ARHGAP26: variants seen among roughly 807,000 people sequenced by gnomAD.
ARHGAP26 encodes the protein Rho GTPase activating protein 26, also known as rho GTPase-activating protein 26.
ARHGAP26 carries 38 observed loss-of-function variants against 104.8 expected under a neutral mutation model. The observed-to-expected ratio is 0.36, with a 90% CI of 0.28 to 0.48. ARHGAP26 has a LOEUF of 0.48. Among genes scored for constraint, ARHGAP26 ranks in the 20% least tolerant of loss-of-function variants. The pLI is 0.99. For synonymous variants in ARHGAP26, 341 were observed against 340.0 expected, an observed-to-expected ratio of 1.00 and a Z score of -0.03; for missense variants, 704 against 947.9, an observed-to-expected ratio of 0.74 and a Z score of 3.38.
chr5:143,204,505 CAA>C (rs931509049), intron 20 of ARHGAP26, among the ~76,000 whole-genome samples: 7 of 152,158 alleles, frequency 4.6e-5, no homozygotes, highest in Non-Finnish European at 5.9e-5. Context: ...GCCTGGGCGA[CAA>C]GAGCAAAACT....
chr5:142,856,044 G>A (rs1424991966), intron 1 of ARHGAP26, among the ~76,000 whole-genome samples: 1 of 152,218 alleles, frequency 6.6e-6, no homozygotes, highest in East Asian at 1.9e-4. Flanking sequence ...GAAGAGTGAG[G>A]GACGTCTCTT....
At chr5:143,144,698 A>G (rs578148468) in intron 19 of ARHGAP26, among the ~76,000 whole-genome samples, 2 of 152,188 alleles carry the variant, frequency 1.3e-5, no homozygotes, top group Non-Finnish European at 2.9e-5. Flanking sequence ...ATGAACCACT[A>G]TGCTTGGCTC....
intron 1 of ARHGAP26, among the ~76,000 whole-genome samples, chr5:142,865,671 C>G (rs1754151686): frequency 6.6e-6 from 1 of 152,082 alleles, no homozygotes; most frequent in South Asian, 2.1e-4. Flanking sequence ...GTAGGTGTCT[C>G]CAACAAAGTT....
intron 1 of ARHGAP26, among the ~76,000 whole-genome samples, chr5:142,782,210 A>G (rs1232911549): frequency 6.6e-6 from 1 of 152,132 alleles, no homozygotes; most frequent in Non-Finnish European, 1.5e-5. Flanking sequence ...GAGTGAAGTA[A>G]GGTTTGTCCT....
intron 11 of ARHGAP26, among the ~76,000 whole-genome samples, chr5:142,996,486 C>T (rs1776414035): frequency 6.6e-6 from 1 of 152,108 alleles, no homozygotes. Context: ...GAGCAAGACT[C>T]TGTCTTGAAA....
chr5:143,027,261 T>A (rs909604775), intron 12 of ARHGAP26, among the ~76,000 whole-genome samples: 1 of 151,798 alleles, frequency 6.6e-6, no homozygotes, highest in Non-Finnish European at 1.5e-5. Flanking sequence ...TACCTTTACC[T>A]TCCTGGTTCA....
intron 1 of ARHGAP26, among the ~76,000 whole-genome samples, chr5:142,832,034 C>G (rs1427226874): frequency 6.6e-6 from 1 of 152,120 alleles, no homozygotes; most frequent in East Asian, 1.9e-4. Context: ...TCCCTGTTGT[C>G]TATTATGAAG....
chr5:142,810,136 T>A (rs926030442), intron 1 of ARHGAP26, among the ~76,000 whole-genome samples: 1 of 152,188 alleles, frequency 6.6e-6, no homozygotes, highest in Non-Finnish European at 1.5e-5. Context: ...ATTTGGCTGA[T>A]GAATTCTTCT....
intron 11 of ARHGAP26, among the ~76,000 whole-genome samples, chr5:142,964,687 G>A (rs980401768): frequency 1.3e-5 from 2 of 152,172 alleles, no homozygotes; most frequent in South Asian, 4.1e-4. Flanking sequence ...AAAAGACTAG[G>A]AAGGGAGTAT....
chr5:142,864,871 A>T (rs546325162), intron 1 of ARHGAP26, among the ~76,000 whole-genome samples: 2 of 152,368 alleles, frequency 1.3e-5, no homozygotes, highest in South Asian at 2.1e-4. Context: ...AGAGACCGGG[A>T]TTTAAGCTGA....
chr5:143,122,327 G>A (rs767931576), intron 18 of ARHGAP26, among the ~76,000 whole-genome samples: 6 of 152,108 alleles, frequency 3.9e-5, no homozygotes, highest in Admixed American at 2.0e-4. Flanking sequence ...CAAGGCCTTC[G>A]CAGTTGCTGT....
chr5:142,770,944 G>A (rs1755065500), intron 1 of ARHGAP26, 29 bp downstream of exon 1: 1 of 1,581,836 alleles, frequency 6.3e-7, no homozygotes, highest in Non-Finnish European at 8.6e-7. Flanking sequence ...TCGGGGACGC[G>A]GCTCCGGGGC....
chr5:142,775,960 T>C (rs988036529), intron 1 of ARHGAP26, among the ~76,000 whole-genome samples: 2 of 152,214 alleles, frequency 1.3e-5, no homozygotes, highest in East Asian at 3.8e-4. Flanking sequence ...ACACTTGGAA[T>C]TGACATACCA....
chr5:142,867,288 GGTGTGTGTGTGTGTGTGT>G (rs70991782), intron 1 of ARHGAP26, among the ~76,000 whole-genome samples: 2 of 143,596 alleles, frequency 1.4e-5, no homozygotes, highest in African/African-American at 5.1e-5. Flanking sequence ...ATTTGCACAG[GGTGTGTGTGTGTGTGTGT>G]GTGTGTGTGT....
At chr5:142,797,563 C>A (rs963703100) in intron 1 of ARHGAP26, among the ~76,000 whole-genome samples, 2 of 152,138 alleles carry the variant, frequency 1.3e-5, no homozygotes, top group African/African-American at 4.8e-5. Flanking sequence ...GCTCACCCTA[C>A]GTGGTTGCTT....
chr5:143,041,662 G>A, intron 13 of ARHGAP26, 154 bp from the exon 14 acceptor site: 1 of 621,918 alleles, frequency 1.6e-6, no homozygotes, highest in East Asian at 2.8e-5. Context: ...CGTTTGCTAA[G>A]AGCTGAGCTG....
At chr5:143,008,447 G>C (rs1416732525) in intron 11 of ARHGAP26, among the ~76,000 whole-genome samples, 1 of 152,226 alleles carries the variant, frequency 6.6e-6, no homozygotes, top group Non-Finnish European at 1.5e-5. Flanking sequence ...GAACCAGCCT[G>C]TTGTTTTAAG....
chr5:142,784,386 C>T (rs896102144), intron 1 of ARHGAP26, among the ~76,000 whole-genome samples: 7 of 152,158 alleles, frequency 4.6e-5, no homozygotes, highest in East Asian at 3.8e-4. Context: ...GGAAAAGACA[C>T]AGCCCAGTGG....
At chr5:143,057,590 A>G in intron 16 of ARHGAP26, 52 bp from the exon 17 acceptor site, 4 of 1,477,496 alleles carry the variant, frequency 2.7e-6, no homozygotes, top group Non-Finnish European at 3.7e-6. Context: ...TCAACCTTAA[A>G]GTTGTTTAGC....
Sources: allele counts gnomAD v4.1 joint callset (sites outside exome capture counted in the v4.1 genomes callset), GRCh38; gene constraint gnomAD v4.1.1; transcripts MANE v1.5; gene names NCBI Gene and HGNC (gene_info 2026-07-23, HGNC 2026-07-21).